SLC30A6: variants seen among roughly 807,000 people sequenced by gnomAD.
SLC30A6 encodes the protein solute carrier family 30 member 6, also known as zinc transporter 6.
A neutral mutation model predicts 63.0 loss-of-function variants in SLC30A6; 55 were observed. The observed-to-expected ratio is 0.87, with a 90% confidence interval of 0.70 to 1.09. The LOEUF (loss-of-function observed/expected upper bound fraction) is 1.09, where lower values mean the gene tolerates loss of function less well. Among genes scored for constraint, SLC30A6 ranks in the 50% least tolerant of loss-of-function variants. The probability of loss-of-function intolerance (pLI) is 0.00; values close to 1 mark genes in which losing one functional copy is unlikely to be tolerated. For missense variants in SLC30A6, 587 were observed against 549.2 expected (o/e 1.07, Z -0.69); for synonymous variants, 224 against 186.1 (o/e 1.20, Z -1.66).
chr2:32,207,017 T>G, intron 12 of SLC30A6, 84 bp downstream of exon 12: 2 of 1,108,624 alleles, frequency 1.8e-6, no homozygotes, highest in Non-Finnish European at 2.7e-6. Flanking sequence ...TATTCAACTC[T>G]ACCTAGAATT....
chr2:32,171,434 AAG>A, intron 2 of SLC30A6, 61 bp downstream of exon 2: 1 of 1,364,494 alleles, frequency 7.3e-7, no homozygotes, highest in Non-Finnish European at 1.0e-6. Flanking sequence ...ACATTGAAGA[AAG>A]ATAATTTTTA....
chr2:32,219,392 TCTCTCTCCCTCCTC>T (rs1484736896), intron 13 of SLC30A6, among the ~76,000 whole-genome samples: 25 of 151,692 alleles, frequency 1.6e-4, no homozygotes, highest in Non-Finnish European at 2.9e-5. Context: ...CTCCCTCTCT[TCTCTCTCCCTCCTC>T]CTTCTTCTGC....
At chr2:32,201,206 C>G (rs373082693) in intron 10 of SLC30A6, among the ~76,000 whole-genome samples, 1 of 152,156 alleles carries the variant, frequency 6.6e-6, no homozygotes, top group African/African-American at 2.4e-5. Flanking sequence ...AGGATTGTGT[C>G]TCATTCACAT....
In SLC30A6 at chr2:32,219,732, G is replaced by A. The variant is rs551884912; in HGVS notation, c.886-481G>A. 8.5e-5 allele frequency among the ~76,000 whole-genome samples: 13 copies of A among 152,242 alleles called. No homozygotes were observed. In the South Asian group the frequency reaches 1.9e-3, roughly 22 times the overall value. On this transcript the variant is annotated intron_variant, in intron 13 of 13. Coordinates refer to ENST00000282587, the MANE Select transcript of SLC30A6 (RefSeq NM_017964.5). ...ATTACAGATGTGAGCCACTGCGCCC[G>A]GCCAGGACTTCTTTATATATTGGTA...
intron 13 of SLC30A6, among the ~76,000 whole-genome samples, chr2:32,210,059 G>T (rs1685117592): frequency 6.6e-6 from 1 of 152,138 alleles, no homozygotes; most frequent in Non-Finnish European, 1.5e-5. Context: ...TTCTAATTCA[G>T]TTTGAACCTC....
chr2:32,197,833 A>AT lies in SLC30A6; in HGVS notation c.665+13dup, dbSNP rs759913003. 2.5e-6 allele frequency: 4 copies of AT among 1,613,028 alleles called. No homozygotes were observed. The highest frequency in any genetic ancestry group is 3.4e-6 in the Non-Finnish European group (4 of 1,179,568). The stretch of plus-strand genomic sequence containing the variant: ...ATATGCTCATTGAAATTAAGTGAGT[A>AT]TTTTTTATTGTTGTCAAGTATGTTT... On this transcript the variant is annotated splice_region_variant and intron_variant, in intron 10 of 13. Transcript: ENST00000282587.
chr2:32,168,643 C>T (rs1439674777), intron 1 of SLC30A6, among the ~76,000 whole-genome samples: 1 of 152,088 alleles, frequency 6.6e-6, no homozygotes, highest in Non-Finnish European at 1.5e-5. Flanking sequence ...GTACTTTGTG[C>T]CCCACTCTAA....
chr2:32,172,489 C>A (rs148591809), intron 2 of SLC30A6, among the ~76,000 whole-genome samples: 71 of 152,150 alleles, frequency 4.7e-4, no homozygotes, highest in African/African-American at 1.5e-3. Flanking sequence ...GCTGGGATTA[C>A]AGGGGTACAC....
At chr2:32,165,999 G>A in intron 1 of SLC30A6, 96 bp downstream of exon 1, 1 of 1,558,424 alleles carries the variant, frequency 6.4e-7, no homozygotes, top group Non-Finnish European at 8.9e-7. Flanking sequence ...GCCACCCAGA[G>A]GAGGGGTCAT....
Position 32,171,281 on chromosome 2 carries a change from T to G in SLC30A6, c.4-6T>G. ...AAATGCTGATTTGTATATGTTTGTT[T>G]GAAAGGGGACAATTCATCTCTTTCG... On this transcript the variant is annotated splice_polypyrimidine_tract_variant and splice_region_variant and intron_variant, in intron 1 of 13. Transcript: ENST00000282587. The G allele has an allele frequency of 2.5e-6, 4 of 1,612,406 alleles. No individual in the cohort carries two copies. The highest frequency in any genetic ancestry group is 3.4e-6 in the Non-Finnish European group (4 of 1,178,668).
In SLC30A6 at chr2:32,224,237, A is replaced by G. The variant is rs1686297847; in HGVS notation, c.*3524A>G. Reference sequence around the variant, plus strand: ...TACTAAGTTAATATGCATTCAGTATACCAGTTGGTGTGACCCAGACCAAAG... The same window carrying G: ...TACTAAGTTAATATGCATTCAGTATGCCAGTTGGTGTGACCCAGACCAAAG... On this transcript the variant is annotated 3_prime_UTR_variant, in exon 14 of 14. Coordinates refer to ENST00000282587, the MANE Select transcript of SLC30A6 (RefSeq NM_017964.5). 2.3e-6 allele frequency: 1 copy of G among 436,162 alleles called. No individual in the cohort carries two copies. Among genetic ancestry groups the G allele is most frequent in the Admixed American group, 4.0e-5 (1 of 25,226 alleles). 27.0% of individuals were successfully genotyped at this position (436,162 alleles called of 1,614,324 possible).
At chr2:32,190,621 A>G (rs1159469606) in intron 5 of SLC30A6, among the ~76,000 whole-genome samples, 1 of 152,040 alleles carries the variant, frequency 6.6e-6, no homozygotes. Flanking sequence ...CCTACAATCC[A>G]GTTGGAATAG....
intron 10 of SLC30A6, chr2:32,201,537 C>T (rs1426146821): frequency 6.0e-6 from 5 of 836,532 alleles, no homozygotes; most frequent in Non-Finnish European, 8.9e-6. Flanking sequence ...TTTCCTTTCA[C>T]GTTTTTGCTG....
chr2:32,214,110 T>C (rs1420625618), intron 13 of SLC30A6, among the ~76,000 whole-genome samples: 1 of 152,128 alleles, frequency 6.6e-6, no homozygotes, highest in Admixed American at 6.6e-5. Flanking sequence ...TAATTTTTTG[T>C]ATTTTTAGTA....
intron 10 of SLC30A6, among the ~76,000 whole-genome samples, chr2:32,198,277 G>T (rs1198896975): frequency 9.9e-5 from 15 of 152,136 alleles, no homozygotes; most frequent in Admixed American, 7.9e-4. Flanking sequence ...GTCTTTACTA[G>T]AATTTGTCCT....
At chr2:32,211,901 T>C (rs1685289127) in intron 13 of SLC30A6, among the ~76,000 whole-genome samples, 2 of 152,240 alleles carry the variant, frequency 1.3e-5, no homozygotes, top group African/African-American at 4.8e-5. Flanking sequence ...ATTACAGGCA[T>C]GAGCTACTGC....
Position 32,220,392 on chromosome 2 carries a change from T to C in SLC30A6, c.1065T>C (p.Asp355=), listed in dbSNP as rs762723323. The change falls in exon 14 of 14, where the codon GAT becomes GAC. Residue 355 remains aspartate (D), a synonymous_variant. Transcript: ENST00000282587. ...PVAANVLNFS[D]HHVIPMPLLK... ...CAGCCAATGTCCTAAACTTTTCAGA[T>C]CATCACGTAATCCCAATGCCTCTTT... The C allele has an allele frequency of 4.3e-6, 7 of 1,614,216 alleles. No individual in the cohort carries two copies. Among genetic ancestry groups the C allele is most frequent in the Non-Finnish European group, 5.1e-6 (6 of 1,180,028 alleles).
intron 10 of SLC30A6, among the ~76,000 whole-genome samples, chr2:32,198,289 ATTG>A (rs1381206529): frequency 6.6e-6 from 1 of 152,036 alleles, no homozygotes; most frequent in Non-Finnish European, 1.5e-5. Context: ...ATTTGTCCTT[ATTG>A]TTCTTGCTGT....
At position 32,204,602 on chromosome 2, in the gene SLC30A6, C is replaced by T. The variant is rs1393188035; in HGVS notation, c.678C>T (p.Ala226=). The change falls in exon 11 of 14, where the codon GCC becomes GCT. Residue 226 remains alanine (A), a synonymous_variant. Transcript: ENST00000282587. ...YMLIEINNYF[A]VDTASAIAIA... ...TTTTTCCTTTTAGTAATTATTTTGC[C>T]GTAGACACTGCCTCTGCTATAGCTA... 5.6e-6 allele frequency: 9 copies of T among 1,608,978 alleles called. No individual in the cohort carries two copies. The highest frequency in any genetic ancestry group is 1.7e-5 in the Admixed American group (1 of 59,890).
Sources: allele counts gnomAD v4.1 joint callset (sites outside exome capture counted in the v4.1 genomes callset), GRCh38; gene constraint gnomAD v4.1.1; transcripts MANE v1.5; gene names NCBI Gene and HGNC (gene_info 2026-07-23, HGNC 2026-07-21).